Variants in PLEK2 observed in about 807,000 individuals in gnomAD.
The protein encoded by PLEK2 is pleckstrin 2.
In PLEK2, 29 loss-of-function variants were observed where a neutral mutation model predicts 43.8. The ratio of observed to expected loss-of-function variants is 0.66; its 90% CI spans 0.49 to 0.90. PLEK2 has a LOEUF of 0.90. Ranked by LOEUF, PLEK2 falls within the 40% of genes least tolerant of loss-of-function variation. PLEK2 has a pLI of 0.00. For synonymous variants in PLEK2, 162 were observed against 173.2 expected, an observed-to-expected ratio of 0.94 and a Z score of 0.51; for missense variants, 398 against 448.1, an observed-to-expected ratio of 0.89 and a Z score of 1.01.
chr14:67,395,341 C>T, intron 3 of PLEK2, 61 bp downstream of exon 3: 3 of 1,501,194 alleles, frequency 2.0e-6, no homozygotes, highest in African/African-American at 2.7e-5. Context: ...GGGCAGGGTC[C>T]CCTGCCCACC....
Position 67,409,267 on chromosome 14 carries a change from G to T in PLEK2, c.42+2751C>A, listed in dbSNP as rs545222316. Reference sequence around the variant, plus strand: ...AAACAAAATAAATAAGTAACAGGGGGGTGTGGTGACTCACACCTCTAATCT... The same window carrying T: ...AAACAAAATAAATAAGTAACAGGGGTGTGTGGTGACTCACACCTCTAATCT... On this transcript the variant is annotated intron_variant, in intron 1 of 8. Transcript: ENST00000216446. 2.0e-5 allele frequency among the ~76,000 whole-genome samples: 3 copies of T among 149,454 alleles called. No individual in the cohort carries two copies. The South Asian group carries it at 6.4e-4, about 32-fold the overall frequency.
intron 1 of PLEK2, among the ~76,000 whole-genome samples, chr14:67,404,272 G>A (rs2086065622): frequency 6.6e-6 from 1 of 152,152 alleles, no homozygotes; most frequent in Non-Finnish European, 1.5e-5. Flanking sequence ...AAAGCAACAA[G>A]AATAGGTGGC....
chr14:67,394,749 G>A (rs994336066), intron 3 of PLEK2, among the ~76,000 whole-genome samples: 45 of 152,228 alleles, frequency 3.0e-4, no homozygotes, highest in African/African-American at 1.1e-3. Context: ...ATATTGAGAG[G>A]TGATGCCTTT....
In PLEK2 at chr14:67,392,867, C is replaced by T. The variant is rs1441326746; in HGVS notation, c.482-18G>A. 6.3e-7 allele frequency: 1 copy of T among 1,595,240 alleles called. No individual in the cohort carries two copies. Among genetic ancestry groups the T allele is most frequent in the African/African-American group, 1.3e-5 (1 of 74,704 alleles). Reference sequence around the variant, plus strand: ...GGAGGAGCCTGGCCAAGGGCAGCACCAGTCAGGCGATGGGTGATGGACCAG... The same window carrying T: ...GGAGGAGCCTGGCCAAGGGCAGCACTAGTCAGGCGATGGGTGATGGACCAG... On this transcript the variant is annotated intron_variant, in intron 4 of 8. Coordinates refer to ENST00000216446, the MANE Select transcript of PLEK2 (RefSeq NM_016445.3).
intron 1 of PLEK2, among the ~76,000 whole-genome samples, chr14:67,401,605 G>A (rs2086049432): frequency 6.6e-6 from 1 of 152,140 alleles, no homozygotes; most frequent in Non-Finnish European, 1.5e-5. Context: ...GTGAGGAGGT[G>A]CCATCTGCAA....
intron 1 of PLEK2, 69 bp from the exon 2 acceptor site, chr14:67,397,895 G>T: frequency 7.6e-7 from 1 of 1,312,772 alleles, no homozygotes; most frequent in Non-Finnish European, 1.1e-6. Context: ...GGGAGGGGGT[G>T]TCTGGTGGCA....
In PLEK2 at chr14:67,388,283, C is replaced by T; in HGVS notation, c.875G>A (p.Gly292Asp). 1.9e-6 allele frequency: 3 copies of T among 1,612,276 alleles called. No homozygotes were observed. The highest frequency in any genetic ancestry group is 2.7e-5 in the African/African-American group (2 of 74,996). The change falls in exon 8 of 9, where the codon GGT (glycine) becomes GAT (aspartate). Residue 292 changes from glycine (G) to aspartate (D), a missense_variant. By Grantham distance (94) the Gly-to-Asp change is moderately conservative. Coordinates refer to ENST00000216446, the MANE Select transcript of PLEK2 (RefSeq NM_016445.3). Reference sequence around the variant, plus strand: ...GAGTGAACCACGAAGAGAAAACCCACCCACTGGCCTGTTCTCTTCCTGTAG... The same window carrying T: ...GAGTGAACCACGAAGAGAAAACCCATCCACTGGCCTGTTCTCTTCCTGTAG... Reference protein sequence around the residue: ...DPSKEENRPVGGFSLRGSLVS... With the variant: ...DPSKEENRPVDGFSLRGSLVS...
intron 6 of PLEK2, among the ~76,000 whole-genome samples, chr14:67,391,269 A>ATGTGTGTG (rs145218491): frequency 0.023 from 3,207 of 139,496 alleles, 52 homozygotes; most frequent in Non-Finnish European, 0.032. Context: ...TAAGCAGCTG[A>ATGTGTGTG]TATGTGTGTG....
chr14:67,390,834 C>G, intron 6 of PLEK2, 88 bp from the exon 7 acceptor site: 2 of 895,858 alleles, frequency 2.2e-6, no homozygotes, highest in South Asian at 1.3e-5. Flanking sequence ...AAACCCCCAA[C>G]AAGCCAGCCC....
At chr14:67,402,038 G>A (rs2139879753) in intron 1 of PLEK2, among the ~76,000 whole-genome samples, 1 of 152,292 alleles carries the variant, frequency 6.6e-6, no homozygotes, top group East Asian at 1.9e-4. Flanking sequence ...GGCTGAGGCA[G>A]AAGAATCACT....
intron 1 of PLEK2, among the ~76,000 whole-genome samples, chr14:67,399,380 AAG>A (rs772520121): frequency 1.1e-4 from 17 of 148,794 alleles, no homozygotes; most frequent in Non-Finnish European, 2.1e-4. Context: ...GGCAGGAATA[AAG>A]AGAAGGGTGG....
intron 6 of PLEK2, among the ~76,000 whole-genome samples, chr14:67,391,572 G>GT (rs1187192555): frequency 6.6e-6 from 1 of 152,210 alleles, no homozygotes; most frequent in Non-Finnish European, 1.5e-5. Flanking sequence ...CATGCTCCGA[G>GT]TAACGATGGG....
intron 1 of PLEK2, among the ~76,000 whole-genome samples, chr14:67,400,576 T>A (rs1183903737): frequency 6.6e-6 from 1 of 152,114 alleles, no homozygotes; most frequent in Non-Finnish European, 1.5e-5. Flanking sequence ...GACATCTGGG[T>A]GCTTCTGAAT....
rs1206868860 is a variant in PLEK2 at position 67,392,838 on chromosome 14, C to G, written c.493G>C (p.Val165Leu). 1.9e-6 allele frequency: 3 copies of G among 1,610,442 alleles called. No individual in the cohort carries two copies. The African/African-American group carries it at 4.0e-5, about 22-fold the overall frequency. The change falls in exon 5 of 9, where the codon GTG (valine) becomes CTG (leucine). Residue 165 changes from valine (V) to leucine (L), a missense_variant. Coordinates refer to ENST00000216446, the MANE Select transcript of PLEK2 (RefSeq NM_016445.3). ...YKKTFLGSSL[V>L]DWLISNSFTA... ...AAGCTGTTGGAGATGAGCCAGTCCA[C>G]CAGGGAGGAGCCTGGCCAAGGGCAG...
intron 6 of PLEK2, 30 bp downstream of exon 6, chr14:67,392,296 A>G (rs1024598219): frequency 7.2e-7 from 1 of 1,385,522 alleles, no homozygotes; most frequent in East Asian, 2.3e-5. Context: ...AGAACTGTCC[A>G]TCTCTCTTCC....
At chr14:67,409,092 C>G (rs1374954750) in intron 1 of PLEK2, among the ~76,000 whole-genome samples, 1 of 149,826 alleles carries the variant, frequency 6.7e-6, no homozygotes, top group Non-Finnish European at 1.5e-5. Flanking sequence ...AAAAACAAAA[C>G]ATTAGCTGGG....
chr14:67,387,472 G>A lies in PLEK2; in HGVS notation c.935-16C>T, dbSNP rs1223227853. On this transcript the variant is annotated splice_polypyrimidine_tract_variant and intron_variant, in intron 8 of 8. Transcript: ENST00000216446. ...CCTTTAACCCCTAGGCAGAAAAAAG[G>A]GGGAAAAAAATCAGTGATTGAATAG... 1 of 1,594,262 alleles carries A rather than the reference G, an allele frequency of 6.3e-7. No homozygotes were observed. The highest frequency in any genetic ancestry group is 1.8e-5 in the Admixed American group (1 of 55,140).
chr14:67,387,380 G>A lies in PLEK2; in HGVS notation c.1011C>T (p.Ser337=). Residue 337 remains serine (S), a synonymous_variant, in exon 9 of 9, where the codon AGC becomes AGT. Transcript: ENST00000216446. The part of the protein sequence containing the change: ...KDDTHYYIQA[S]SKAERAEWIE... ...TCCACTCGGCTCGCTCAGCCTTGCTGCTGGCCTGAATGTAATAGTGTGTGT... is the reference window on the plus strand; with the variant it reads ...TCCACTCGGCTCGCTCAGCCTTGCTACTGGCCTGAATGTAATAGTGTGTGT... The A allele has an allele frequency of 6.2e-7, 1 of 1,610,982 alleles. No homozygotes were observed. Among genetic ancestry groups the A allele is most frequent in the Non-Finnish European group, 8.5e-7 (1 of 1,178,866 alleles).
intron 1 of PLEK2, among the ~76,000 whole-genome samples, chr14:67,402,429 C>T (rs1196754634): frequency 6.6e-6 from 1 of 152,046 alleles, no homozygotes; most frequent in Non-Finnish European, 1.5e-5. Context: ...ACAAACAATC[C>T]GATTATACTC....
Sources: allele counts gnomAD v4.1 joint callset (sites outside exome capture counted in the v4.1 genomes callset), GRCh38; gene constraint gnomAD v4.1.1; transcripts MANE v1.5; gene names NCBI Gene and HGNC (gene_info 2026-07-23, HGNC 2026-07-21).